The following ZNF282 variants were observed in gnomAD, a reference collection of about 807,000 sequenced individuals.
ZNF282 encodes the protein HTLV-I U5 repressive element-binding protein 1.
In ZNF282, 30 loss-of-function variants were observed where a neutral mutation model predicts 61.9. The ratio of observed to expected loss-of-function variants is 0.48; its 90% CI spans 0.36 to 0.66. The LOEUF is 0.66. Among genes scored for constraint, ZNF282 ranks in the 30% least tolerant of loss-of-function variants. The pLI, the probability that ZNF282 is intolerant of heterozygous loss-of-function variation, is 0.00. For missense variants in ZNF282, 788 were observed against 941.4 expected, an observed-to-expected ratio of 0.84 and a Z score of 2.13; for synonymous variants, 396 against 405.0, an observed-to-expected ratio of 0.98 and a Z score of 0.27.
rs754072027 is a variant in ZNF282 at position 149,198,675 on chromosome 7, A to G, written c.508A>G (p.Asn170Asp). 1 of 1,613,742 alleles carries G rather than the reference A, an allele frequency of 6.2e-7. No homozygotes were observed. The highest frequency in any genetic ancestry group is 8.5e-7 in the Non-Finnish European group (1 of 1,179,970). ...EYGLLQRRLE[N>D]LENLLRNRNF... ...CGGGCTGCTGCAGAGGCGGCTGGAGAACTTGGAGAACTTGCTGCGCAACAG... is the reference window on the plus strand; with the variant it reads ...CGGGCTGCTGCAGAGGCGGCTGGAGGACTTGGAGAACTTGCTGCGCAACAG... Residue 170 changes from asparagine (N) to aspartate (D), a missense_variant, in exon 2 of 8, where the codon AAC becomes GAC. Physicochemically the swap from Asn to Asp is conservative, Grantham distance 23. Transcript: ENST00000610704. This position sits in a 1 kb window ranked among gnomAD's most constrained non-coding sequence, Gnocchi z 4.3.
intron 7 of ZNF282, among the ~76,000 whole-genome samples, chr7:149,220,702 C>T (rs2129523707): frequency 6.6e-6 from 1 of 152,250 alleles, no homozygotes; most frequent in African/African-American, 2.4e-5. Flanking sequence ...CAGCAAACTT[C>T]CCATACCCTA....
chr7:149,222,639 A>AT (rs2129523748), intron 7 of ZNF282, among the ~76,000 whole-genome samples: 1 of 152,130 alleles, frequency 6.6e-6, no homozygotes, highest in East Asian at 1.9e-4. Context: ...TTTATTTTTT[A>AT]TTTTTTATTT....
chr7:149,212,574 C>T lies in ZNF282; in HGVS notation c.1066+103C>T, dbSNP rs1796104940. 5.2e-6 allele frequency: 5 copies of T among 955,826 alleles called. No homozygotes were observed. In the South Asian group the frequency reaches 8.6e-5, roughly 16 times the overall value. The allele number at this position is 955,826 out of a possible 1,614,324, so 59.2% of individuals were successfully genotyped here. ...GTTTATGCAGCTGATACTAAAATTA[C>T]TTCAGCACTGATTTTTTGTTCTTTG... On this transcript the variant is annotated intron_variant, in intron 6 of 7. Transcript: ENST00000610704.
Position 149,210,496 on chromosome 7 carries a change from C to A in ZNF282, c.833-89C>A. The A allele has an allele frequency of 3.2e-6, 5 of 1,565,590 alleles. No homozygotes were observed. The South Asian group carries it at 4.7e-5, about 15-fold the overall frequency. ...TGACCAGCATGCAGAAAAAAAGACA[C>A]AAAGCAATGTCATTCTCTGTTCCCA... On this transcript the variant is annotated intron_variant, in intron 4 of 7. Transcript: ENST00000610704.
At chr7:149,206,619 C>G in intron 2 of ZNF282, 77 bp from the exon 3 acceptor site, 4 of 1,599,274 alleles carry the variant, frequency 2.5e-6, no homozygotes, top group Non-Finnish European at 3.4e-6. Context: ...GGGAGTGGGT[C>G]TTGTGGCCCG....
In ZNF282 at chr7:149,197,300, A is replaced by G. The variant is rs185053965; in HGVS notation, c.166-1033A>G. 2.6e-5 allele frequency among the ~76,000 whole-genome samples: 4 copies of G among 152,336 alleles called. No homozygotes were observed. The East Asian group carries it at 7.7e-4, about 29-fold the overall frequency. Reference sequence around the variant, plus strand: ...CTTGGTCCTCTTGGGTGTGAGGGACATCCCCTCTTCACCTCTAATGAGTGA... The same window carrying G: ...CTTGGTCCTCTTGGGTGTGAGGGACGTCCCCTCTTCACCTCTAATGAGTGA... On this transcript the variant is annotated intron_variant, in intron 1 of 7. Coordinates refer to ENST00000610704, the MANE Select transcript of ZNF282 (RefSeq NM_003575.4).
At chr7:149,201,026 T>C (rs1298261073) in intron 2 of ZNF282, among the ~76,000 whole-genome samples, 2 of 152,236 alleles carry the variant, frequency 1.3e-5, no homozygotes, top group Admixed American at 6.5e-5. Context: ...TACCTATTAA[T>C]TCATTTGGAT....
rs1347548829 is a variant in ZNF282, at chr7:149,212,388, C to T, written c.983C>T (p.Ser328Phe). The change falls in exon 6 of 8, where the codon TCC becomes TTC. Residue 328 changes from serine to phenylalanine, a missense_variant. Physicochemically the swap from Ser to Phe is radical, Grantham distance 155. Transcript: ENST00000610704. ...CCAATTTCTGCCCAGGACCTCTTGT[C>T]CCGGATTAAACAGGAGGAGCATCAG... is the stretch of plus-strand genomic sequence containing the variant. ...DSPISAQDLL[S>F]RIKQEEHQCV... The T allele has an allele frequency of 5.0e-6, 8 of 1,612,054 alleles. No homozygotes were observed. The highest frequency in any genetic ancestry group is 5.9e-6 in the Non-Finnish European group (7 of 1,179,234).
chr7:149,209,019 T>C (rs865832051), intron 4 of ZNF282, among the ~76,000 whole-genome samples: 2 of 5,912 alleles, frequency 3.4e-4, no homozygotes, highest in Admixed American at 2.5e-3. Flanking sequence ...AGACTTCATC[T>C]CAAAAAAAAA....
rs1408786628 is a variant in ZNF282 at position 149,224,506 on chromosome 7, G to A, written c.1875G>A (p.Thr625=). 6.2e-7 allele frequency: 1 copy of A among 1,612,398 alleles called. No individual in the cohort carries two copies. The highest frequency in any genetic ancestry group is 1.1e-5 in the South Asian group (1 of 91,030). ...QNLLKHQRIH[T]GERPYTCGEC... is the part of the protein sequence containing the mutation. ...TGCTCAAGCACCAGCGCATCCACAC[G>A]GGCGAGCGCCCCTACACGTGCGGCG... Residue 625 remains threonine, a synonymous_variant, in exon 8 of 8, where the codon ACG becomes ACA. Transcript: ENST00000610704.
At chr7:149,210,936 T>C (rs1194705417) in intron 5 of ZNF282, among the ~76,000 whole-genome samples, 1 of 152,232 alleles carries the variant, frequency 6.6e-6, no homozygotes, top group East Asian at 1.9e-4. Flanking sequence ...CGTGTTCTGT[T>C]TCCTCTCTTC....
rs577477318 is a variant in ZNF282, at chr7:149,201,916, C to T, written c.585+3164C>T. Among the ~76,000 whole-genome samples, 14 of 152,276 alleles carry T rather than the reference C, an allele frequency of 9.2e-5. No individual in the cohort carries two copies. In the East Asian group the frequency reaches 2.5e-3, roughly 27 times the overall value. ...TGCTGTTCTGCCAGCACACCACGTG[C>T]GCCCCCAGCTCAGGGACTCTCCACT... On this transcript the variant is annotated intron_variant, in intron 2 of 7. Coordinates refer to ENST00000610704, the MANE Select transcript of ZNF282 (RefSeq NM_003575.4).
rs10255054 is a variant in ZNF282, at chr7:149,224,048, G to A, written c.1417G>A (p.Gly473Arg). ...GCCGCCGGGTGGGGACCGCAGCACC[G>A]GGGGCGGCGGGGGCGATGGGGGCGG... ...EAPPGGDRST[G>R]GGGGDGGGGG... Residue 473 changes from glycine to arginine, a missense_variant, in exon 8 of 8, where the codon GGG becomes AGG. By Grantham distance (125) the Gly-to-Arg change is moderately radical (BLOSUM62 -2). Coordinates refer to ENST00000610704, the MANE Select transcript of ZNF282 (RefSeq NM_003575.4). 35,144 of 1,160,254 alleles carry A rather than the reference G, an allele frequency of 0.03. 641 individuals are homozygous for A. The highest frequency in any genetic ancestry group is 0.068 in the Middle Eastern group (189 of 2,786). 71.9% of individuals were successfully genotyped at this position (1,160,254 alleles called of 1,614,324 possible).
chr7:149,209,535 C>T (rs1172027183), intron 4 of ZNF282, among the ~76,000 whole-genome samples: 1 of 152,150 alleles, frequency 6.6e-6, no homozygotes, highest in Non-Finnish European at 1.5e-5. Flanking sequence ...TAGATTTTTA[C>T]ATTTGAAGCA....
chr7:149,223,226 G>A (rs906283803), intron 7 of ZNF282, among the ~76,000 whole-genome samples: 4 of 151,772 alleles, frequency 2.6e-5, no homozygotes, highest in African/African-American at 9.7e-5. Context: ...CGCCCACCTC[G>A]GTCTCCCAAA....
chr7:149,218,677 G>A (rs1018801984), intron 7 of ZNF282, among the ~76,000 whole-genome samples: 4 of 152,122 alleles, frequency 2.6e-5, no homozygotes, highest in African/African-American at 4.8e-5. Flanking sequence ...CCACAGGACC[G>A]TTCTCTCTTC....
intron 7 of ZNF282, among the ~76,000 whole-genome samples, chr7:149,215,986 T>C (rs1796156269): frequency 6.6e-6 from 1 of 152,234 alleles, no homozygotes; most frequent in South Asian, 2.1e-4. Flanking sequence ...TTGTGCTGTG[T>C]GGAAAGCAGT....
Position 149,212,491 on chromosome 7 carries a change from G to A in ZNF282, c.1066+20G>A. On this transcript the variant is annotated intron_variant, in intron 6 of 7. Transcript: ENST00000610704. ...ATTCAGGTGAGAACAAGGTCAGAAT[G>A]AATCTTGAGGGCAACAAGTGTTTTT... The A allele has an allele frequency of 1.9e-6, 3 of 1,540,148 alleles. No individual in the cohort carries two copies. The highest frequency in any genetic ancestry group is 2.7e-6 in the Non-Finnish European group (3 of 1,123,928).
chr7:149,211,214 A>T (rs540348153), intron 5 of ZNF282, among the ~76,000 whole-genome samples: 6 of 152,210 alleles, frequency 3.9e-5, no homozygotes, highest in African/African-American at 1.2e-4. Context: ...GCTCTGTTAT[A>T]GCAGATGTAT....
Sources: gnomAD v4.1 joint callset for allele counts (sites outside exome capture counted in the v4.1 genomes callset) on GRCh38, gnomAD v4.1.1 for gene constraint, Gnocchi (gnomAD v3.1) non-coding constraint, MANE v1.5 for transcripts, NCBI Gene and HGNC (gene_info 2026-07-23, HGNC 2026-07-21) for gene names.